LPAR1: variants seen among roughly 807,000 people sequenced by gnomAD.
The protein encoded by LPAR1 is lysophosphatidic acid receptor 1.
In LPAR1, 5 loss-of-function variants were observed where a neutral mutation model predicts 23.8. The observed-to-expected ratio is 0.21, with a 90% CI of 0.11 to 0.44. LPAR1 has a LOEUF of 0.44. LPAR1 is among the 20% of genes least tolerant of loss of function. The pLI, the probability that LPAR1 is intolerant of heterozygous loss-of-function variation, is 0.99. For missense variants in LPAR1, 311 were observed against 482.8 expected (o/e 0.64, Z 3.33); for synonymous variants, 160 against 164.7 (o/e 0.97, Z 0.22).
At chr9:110,926,280 A>T (rs935212473) in intron 5 of LPAR1, among the ~76,000 whole-genome samples, 1 of 152,210 alleles carries the variant, frequency 6.6e-6, no homozygotes, top group African/African-American at 2.4e-5. Context: ...TTCAGATTAT[A>T]CCATGCTGAC....
At chr9:110,895,427 A>G (rs1027858515) in intron 5 of LPAR1, among the ~76,000 whole-genome samples, 9 of 152,214 alleles carry the variant, frequency 5.9e-5, no homozygotes, top group African/African-American at 2.2e-4. Flanking sequence ...ACAACCAGTT[A>G]TTGCAGCACG....
At chr9:110,957,324 A>G (rs547422691) in intron 4 of LPAR1, among the ~76,000 whole-genome samples, 1 of 142,558 alleles carries the variant, frequency 7.0e-6, no homozygotes, top group Non-Finnish European at 1.5e-5. Context: ...TAGGTGATAG[A>G]GTGATACTCT....
intron 5 of LPAR1, among the ~76,000 whole-genome samples, chr9:110,919,204 C>T (rs768770907): frequency 1.3e-5 from 2 of 152,016 alleles, no homozygotes; most frequent in Non-Finnish European, 2.9e-5. Context: ...GTACAGATTT[C>T]TCTCTCTCTC....
chr9:110,989,520 T>C (rs1274298784), intron 2 of LPAR1, among the ~76,000 whole-genome samples: 2 of 152,160 alleles, frequency 1.3e-5, no homozygotes, highest in African/African-American at 2.4e-5. Context: ...GAGGTTCTTG[T>C]ACTATACATA....
chr9:110,987,951 C>G (rs1706859100), intron 2 of LPAR1, among the ~76,000 whole-genome samples: 1 of 151,336 alleles, frequency 6.6e-6, no homozygotes, highest in African/African-American at 2.4e-5. Flanking sequence ...TTTACAAAAC[C>G]ATAACAATAA....
chr9:110,944,161 G>T lies in LPAR1; in HGVS notation c.46-1993C>A, dbSNP rs76198893. ...AAAACACTGATTGCTGACATAACCC[G>T]CAAGAACTTCTGATTCAGTAGATCT... On this transcript the variant is annotated intron_variant, in intron 4 of 5. Transcript: ENST00000683809. Among the ~76,000 whole-genome samples the T allele has an allele frequency of 7.3e-3, 1,112 of 152,200 alleles. 8 individuals are homozygous for T. The highest frequency in any genetic ancestry group is 0.011 in the Non-Finnish European group (764 of 67,992).
intron 5 of LPAR1, among the ~76,000 whole-genome samples, chr9:110,938,475 T>G (rs2094871805): frequency 6.6e-6 from 1 of 152,180 alleles, no homozygotes; most frequent in African/African-American, 2.4e-5. Flanking sequence ...TGGCAATGAC[T>G]TGGAAGTTAA....
chr9:110,961,216 GAA>G lies in LPAR1; in HGVS notation c.45+10855_45+10856del, dbSNP rs35228428. ...AATTCATTTATAACCATTTTAAGGGGAAAAAAAAAAAAAGCCAAATGTGGTCC... is the reference window on the plus strand; with the variant it reads ...AATTCATTTATAACCATTTTAAGGGGAAAAAAAAAAAGCCAAATGTGGTCC... On this transcript the variant is annotated intron_variant, in intron 4 of 5. Coordinates refer to ENST00000683809, the MANE Select transcript of LPAR1 (RefSeq NM_001351411.2). Among the ~76,000 whole-genome samples, 1,378 of 145,272 alleles carry G rather than the reference GAA, an allele frequency of 9.5e-3. 18 individuals carry two copies. Among genetic ancestry groups the G allele is most frequent in the African/African-American group, 0.028 (1,093 of 39,728 alleles).
rs114266114 is a variant in LPAR1 at position 110,998,598 on chromosome 9, G to A, written c.-181-25040C>T. ...GTTTGAGAACTTCATCCCGGCAAGC[G>A]TCTACAACAATAAGGGAGCTGCAAT... is the stretch of plus-strand genomic sequence containing the variant. On this transcript the variant is annotated intron_variant, in intron 2 of 5. Coordinates refer to ENST00000683809, the MANE Select transcript of LPAR1 (RefSeq NM_001351411.2). 4.5e-3 allele frequency among the ~76,000 whole-genome samples: 686 copies of A among 152,238 alleles called. 7 individuals are homozygous for A. The highest frequency in any genetic ancestry group is 0.017 in the Middle Eastern group (5 of 294).
rs533576353 is a variant in LPAR1 at position 110,877,212 on chromosome 9, G to A, written c.794-1490C>T. Among the ~76,000 whole-genome samples the A allele has an allele frequency of 1.3e-3, 191 of 152,194 alleles. 1 individual carries two copies. Among genetic ancestry groups the A allele is most frequent in the Non-Finnish European group, 2.5e-3 (169 of 68,028 alleles). On this transcript the variant is annotated intron_variant, in intron 5 of 5. Coordinates refer to ENST00000683809, the MANE Select transcript of LPAR1 (RefSeq NM_001351411.2). The stretch of plus-strand genomic sequence containing the variant: ...CCAAACAGCCCACTTTTGAATCTGA[G>A]CTTTCTTTTGTGAAACTTTTCAGCA...
chr9:110,920,544 T>C (rs1344779132), intron 5 of LPAR1, among the ~76,000 whole-genome samples: 3 of 152,164 alleles, frequency 2.0e-5, no homozygotes, highest in Admixed American at 6.6e-5. Flanking sequence ...CATCAGAGAA[T>C]AACAATCTTC....
At chr9:110,953,496 T>C (rs945599302) in intron 4 of LPAR1, among the ~76,000 whole-genome samples, 24 of 152,096 alleles carry the variant, frequency 1.6e-4, no homozygotes, top group African/African-American at 5.5e-4. Context: ...AAACCCCAAC[T>C]CTACTAAAAA....
At chr9:111,030,491 A>G (rs2097776617) in intron 2 of LPAR1, among the ~76,000 whole-genome samples, 1 of 152,170 alleles carries the variant, frequency 6.6e-6, no homozygotes, top group Non-Finnish European at 1.5e-5. Flanking sequence ...ACCTGCCTAT[A>G]ATGAGTAACT....
intron 2 of LPAR1, among the ~76,000 whole-genome samples, chr9:111,035,917 T>C (rs896044858): frequency 2.1e-4 from 32 of 152,218 alleles, no homozygotes; most frequent in Admixed American, 3.3e-4. Flanking sequence ...TACTTCAGAC[T>C]GAATGTCACT....
chr9:110,980,915 T>C (rs1325890525), intron 2 of LPAR1, among the ~76,000 whole-genome samples: 1 of 152,100 alleles, frequency 6.6e-6, no homozygotes, highest in East Asian at 1.9e-4. Flanking sequence ...TACAAATGTA[T>C]ATCAATTAAA....
chr9:111,027,553 CA>C (rs1351642340), intron 2 of LPAR1, among the ~76,000 whole-genome samples: 1 of 107,646 alleles, frequency 9.3e-6, no homozygotes, highest in Non-Finnish European at 2.1e-5. Flanking sequence ...AATAAAAATA[CA>C]ATTTTTTTTA....
At chr9:111,011,013 G>A (rs939282752) in intron 2 of LPAR1, among the ~76,000 whole-genome samples, 3 of 152,158 alleles carry the variant, frequency 2.0e-5, no homozygotes, top group Non-Finnish European at 2.9e-5. Context: ...GACAGTTCAA[G>A]AGAATGCCTC....
At chr9:111,037,486 A>G (rs1480741475) in intron 1 of LPAR1, among the ~76,000 whole-genome samples, 1 of 152,200 alleles carries the variant, frequency 6.6e-6, no homozygotes, top group Non-Finnish European at 1.5e-5. Flanking sequence ...ATTCACCACA[A>G]AGGAGTCCTA....
Position 111,007,938 on chromosome 9 carries a change from C to G in LPAR1, c.-182+28184G>C, listed in dbSNP as rs537500669. Among the ~76,000 whole-genome samples, 148 of 152,208 alleles carry G rather than the reference C, an allele frequency of 9.7e-4. 1 individual carries two copies. Among genetic ancestry groups the G allele is most frequent in the African/African-American group, 3.3e-3 (135 of 41,526 alleles). ...CCTGTAATCCCAGCATTTTGGGAGGCCAAGGCAGGCAGATCACCTGAGGTC... is the reference window on the plus strand; with the variant it reads ...CCTGTAATCCCAGCATTTTGGGAGGGCAAGGCAGGCAGATCACCTGAGGTC... On this transcript the variant is annotated intron_variant, in intron 2 of 5. Coordinates refer to ENST00000683809, the MANE Select transcript of LPAR1 (RefSeq NM_001351411.2).
Sources: gnomAD v4.1 joint callset for allele counts (sites outside exome capture counted in the v4.1 genomes callset) on GRCh38, gnomAD v4.1.1 for gene constraint, MANE v1.5 for transcripts, NCBI Gene and HGNC (gene_info 2026-07-23, HGNC 2026-07-21) for gene names.